Variants in PTPRD observed in about 807,000 individuals in gnomAD.
PTPRD encodes the protein protein tyrosine phosphatase receptor type D, also known as receptor-type tyrosine-protein phosphatase delta.
Under a neutral mutation model 214.5 loss-of-function variants are expected in PTPRD, and 34 were observed. The observed-to-expected ratio is 0.16, with a 90% CI of 0.12 to 0.21. The LOEUF is 0.21. Ranked by LOEUF, PTPRD falls within the 10% of genes least tolerant of loss-of-function variation. The probability of loss-of-function intolerance (pLI) is 1.00; values close to 1 mark genes in which losing one functional copy is unlikely to be tolerated. For synonymous variants in PTPRD, 1,128 were observed against 845.7 expected (o/e 1.33, Z -5.79); for missense variants, 2,545 against 2,398.7 (o/e 1.06, Z -1.27).
At position 9,292,514 on chromosome 9, in the gene PTPRD, G is replaced by C. The variant is rs188033320; in HGVS notation, c.-203+104935C>G. On this transcript the variant is annotated intron_variant, in intron 9 of 45. Transcript: ENST00000381196. ...AAAAATTATGAAGATAGTACAAAGA[G>C]TTCTCATATACTCCACATCCATTTT... Among the ~76,000 whole-genome samples the C allele has an allele frequency of 2.5e-3, 374 of 151,446 alleles. 1 individual carries two copies. Among genetic ancestry groups the C allele is most frequent in the Non-Finnish European group, 3.7e-3 (252 of 67,594 alleles).
chr9:8,809,787 T>C (rs1471677717), intron 11 of PTPRD, among the ~76,000 whole-genome samples: 1 of 152,228 alleles, frequency 6.6e-6, no homozygotes, highest in Non-Finnish European at 1.5e-5. Context: ...GATAATTTGA[T>C]ATGACGGGTG....
At chr9:9,067,724 C>G (rs1459007583) in intron 10 of PTPRD, among the ~76,000 whole-genome samples, 2 of 152,142 alleles carry the variant, frequency 1.3e-5, no homozygotes, top group African/African-American at 4.8e-5. Flanking sequence ...TCCAGTTTCT[C>G]TCAGTGGTAA....
chr9:8,566,525 G>T (rs996122715), intron 14 of PTPRD, among the ~76,000 whole-genome samples: 2 of 152,108 alleles, frequency 1.3e-5, no homozygotes, highest in African/African-American at 4.8e-5. Flanking sequence ...TAACAGCAAT[G>T]TTCATTATAG....
At chr9:8,841,520 C>T (rs1043863982) in intron 11 of PTPRD, among the ~76,000 whole-genome samples, 2 of 151,976 alleles carry the variant, frequency 1.3e-5, no homozygotes, top group Admixed American at 6.6e-5. Flanking sequence ...TGCCAAAATG[C>T]CCTCAGCATT....
chr9:9,796,962 G>C (rs995758256), intron 5 of PTPRD, among the ~76,000 whole-genome samples: 25 of 152,166 alleles, frequency 1.6e-4, no homozygotes, highest in African/African-American at 5.8e-4. Context: ...TATTTAAAAG[G>C]ATGGTGGTAA....
chr9:9,475,493 C>T (rs981247937), intron 8 of PTPRD, among the ~76,000 whole-genome samples: 1 of 152,144 alleles, frequency 6.6e-6, no homozygotes, highest in Non-Finnish European at 1.5e-5. Flanking sequence ...TTTATCAGCT[C>T]ATAAATCCAT....
At chr9:10,400,150 T>C (rs1273920104) in intron 2 of PTPRD, among the ~76,000 whole-genome samples, 1 of 151,766 alleles carries the variant, frequency 6.6e-6, no homozygotes, top group African/African-American at 2.4e-5. Flanking sequence ...TTCACTTATG[T>C]AGTAGTCAGG....
At chr9:9,894,818 T>G (rs959874021) in intron 5 of PTPRD, among the ~76,000 whole-genome samples, 1 of 152,100 alleles carries the variant, frequency 6.6e-6, no homozygotes, top group Non-Finnish European at 1.5e-5. Flanking sequence ...GTAATAAGTG[T>G]TTTTGAATAA....
chr9:9,527,935 C>T (rs531357000), intron 8 of PTPRD, among the ~76,000 whole-genome samples: 18 of 152,276 alleles, frequency 1.2e-4, no homozygotes, highest in African/African-American at 3.1e-4. Context: ...TATGAAATAA[C>T]GCTTTTCAGG....
chr9:8,374,862 A>C (rs1453244528), intron 39 of PTPRD, among the ~76,000 whole-genome samples: 1 of 151,866 alleles, frequency 6.6e-6, no homozygotes, highest in Admixed American at 6.6e-5. Context: ...GGCTAGGTGA[A>C]TTTCACTGCT....
chr9:10,440,411 A>C (rs2098751067), intron 2 of PTPRD, among the ~76,000 whole-genome samples: 1 of 151,836 alleles, frequency 6.6e-6, no homozygotes, highest in African/African-American at 2.4e-5. Flanking sequence ...ATCAGCATAG[A>C]TATGAACACT....
chr9:9,721,015 A>G (rs1297986404), intron 7 of PTPRD, among the ~76,000 whole-genome samples: 3 of 150,650 alleles, frequency 2.0e-5, no homozygotes, highest in East Asian at 3.9e-4. Flanking sequence ...GAAGGGTACA[A>G]AAAAAAATAA....
At chr9:9,466,230 G>T (rs2094143776) in intron 8 of PTPRD, among the ~76,000 whole-genome samples, 1 of 152,022 alleles carries the variant, frequency 6.6e-6, no homozygotes, top group Non-Finnish European at 1.5e-5. Context: ...GATTGCTTGG[G>T]CCTAGGAGGT....
chr9:9,134,884 T>A (rs962264722), intron 10 of PTPRD, among the ~76,000 whole-genome samples: 12 of 152,126 alleles, frequency 7.9e-5, no homozygotes, highest in African/African-American at 2.9e-4. Flanking sequence ...TGTTCAATAA[T>A]TTTAGAAATG....
intron 14 of PTPRD, among the ~76,000 whole-genome samples, chr9:8,542,719 A>T (rs1271828813): frequency 6.6e-6 from 1 of 152,192 alleles, no homozygotes; most frequent in Non-Finnish European, 1.5e-5. Flanking sequence ...GAATTGGCAA[A>T]AGGGGCTCGT....
At chr9:10,326,585 T>C (rs1252814490) in intron 3 of PTPRD, among the ~76,000 whole-genome samples, 1 of 151,650 alleles carries the variant, frequency 6.6e-6, no homozygotes, top group Non-Finnish European at 1.5e-5. Context: ...TCAAATTGCT[T>C]CACATTTTGG....
chr9:8,601,354 A>G (rs956508191), intron 14 of PTPRD, among the ~76,000 whole-genome samples: 5 of 152,184 alleles, frequency 3.3e-5, no homozygotes, highest in Non-Finnish European at 7.3e-5. Context: ...TGGCTTTGCC[A>G]CCTGCAGACT....
intron 3 of PTPRD, among the ~76,000 whole-genome samples, chr9:10,081,576 C>T (rs563600696): frequency 6.6e-5 from 10 of 152,126 alleles, no homozygotes; most frequent in South Asian, 6.2e-4. Flanking sequence ...GGGCCCTCAC[C>T]GCAACCTGAC....
intron 7 of PTPRD, among the ~76,000 whole-genome samples, chr9:9,601,111 ATGTGTGTG>A (rs140016979): frequency 0.24 from 23,568 of 96,504 alleles, 3,166 homozygotes; most frequent in Non-Finnish European, 0.32. Context: ...AGATTAATAT[ATGTGTGTG>A]TGTGTGTGTG....
Sources: allele counts gnomAD v4.1 joint callset (sites outside exome capture counted in the v4.1 genomes callset), GRCh38; gene constraint gnomAD v4.1.1; transcripts MANE v1.5; gene names NCBI Gene and HGNC (gene_info 2026-07-23, HGNC 2026-07-21).